Variants in DOCK10 observed in about 807,000 individuals in gnomAD.
DOCK10 encodes the protein dedicator of cytokinesis 10, also known as dedicator of cytokinesis protein 10.
DOCK10 carries 145 observed loss-of-function variants against 280.1 expected under a neutral mutation model. The observed-to-expected ratio is 0.52, with a 90% CI of 0.45 to 0.59. The LOEUF (loss-of-function observed/expected upper bound fraction) is 0.59, where lower values mean the gene tolerates loss of function less well. DOCK10 is among the 20% of genes least tolerant of loss of function. The pLI, the probability that DOCK10 is intolerant of heterozygous loss-of-function variation, is 0.00. For synonymous variants in DOCK10, 915 were observed against 942.2 expected (o/e 0.97, Z 0.53); for missense variants, 2,368 against 2,651.7 (o/e 0.89, Z 2.35).
At chr2:224,951,554 C>T (rs1231352591) in intron 1 of DOCK10, among the ~76,000 whole-genome samples, 4 of 152,258 alleles carry the variant, frequency 2.6e-5, no homozygotes, top group South Asian at 2.1e-4. Flanking sequence ...AATTTGAATG[C>T]TAAAATGTCA....
In DOCK10 at chr2:224,853,029, G is replaced by A. The variant is rs769183605; in HGVS notation, c.1982C>T (p.Ser661Leu). The A allele has an allele frequency of 1.9e-6, 3 of 1,611,800 alleles. No individual in the cohort carries two copies. The Admixed American group carries it at 5.0e-5, about 27-fold the overall frequency. ...TCTGTAAGGCCGACAATACTTTGTTGAATCGTAAACAAATTCTTCCACCTC... is the reference window on the plus strand; with the variant it reads ...TCTGTAAGGCCGACAATACTTTGTTAAATCGTAAACAAATTCTTCCACCTC... ...TVEVEEFVYD[S>L]TKYCRPYRVY... The change falls in exon 17 of 56, where the codon TCA becomes TTA. Residue 661 changes from serine to leucine, a missense_variant. By Grantham distance (145) the Ser-to-Leu change is moderately radical. This residue lies in a region of DOCK10 where 1,209 missense variants were observed against 1,250.9 expected (regional missense o/e 0.97). Coordinates refer to ENST00000258390, the MANE Select transcript of DOCK10 (RefSeq NM_014689.3).
intron 45 of DOCK10, 81 bp downstream of exon 45, chr2:224,794,798 G>C: frequency 1.5e-6 from 2 of 1,355,582 alleles, no homozygotes; most frequent in South Asian, 1.2e-5. Context: ...TCCTTTTCTA[G>C]TCCATGCTGT....
chr2:224,888,740 GTGTA>G (rs764439214), intron 4 of DOCK10, among the ~76,000 whole-genome samples: 181 of 147,988 alleles, frequency 1.2e-3, no homozygotes, highest in Non-Finnish European at 1.6e-3. Flanking sequence ...GAATATATGT[GTGTA>G]TGTGTGTGTG....
intron 26 of DOCK10, among the ~76,000 whole-genome samples, chr2:224,832,769 C>T (rs1695318649): frequency 6.6e-6 from 1 of 152,276 alleles, no homozygotes; most frequent in Middle Eastern, 3.4e-3. Context: ...ATTCAACAGA[C>T]TCCTACCCCT....
intron 50 of DOCK10, chr2:224,784,722 T>G: frequency 7.8e-7 from 1 of 1,289,358 alleles, no homozygotes; most frequent in Non-Finnish European, 1.0e-6. Context: ...AGAGCGAGAG[T>G]GAGTGAGAAC....
At chr2:224,782,726 G>A (rs1229324023) in intron 50 of DOCK10, among the ~76,000 whole-genome samples, 1 of 152,200 alleles carries the variant, frequency 6.6e-6, no homozygotes, top group East Asian at 1.9e-4. Flanking sequence ...AATGAGAGCA[G>A]TGGTCTGCGT....
intron 1 of DOCK10, among the ~76,000 whole-genome samples, chr2:224,955,357 T>G (rs1376372873): frequency 4.6e-5 from 7 of 152,220 alleles, no homozygotes; most frequent in African/African-American, 1.4e-4. Flanking sequence ...AGGATTTGTC[T>G]TTATAAATGG....
At chr2:224,835,815 C>A (rs1029418478) in intron 25 of DOCK10, among the ~76,000 whole-genome samples, 1 of 152,198 alleles carries the variant, frequency 6.6e-6, no homozygotes, top group African/African-American at 2.4e-5. Context: ...TTGTTATCAG[C>A]CTAAAATTCC....
At chr2:224,833,671 C>G (rs1039863259) in intron 26 of DOCK10, among the ~76,000 whole-genome samples, 2 of 151,974 alleles carry the variant, frequency 1.3e-5, no homozygotes, top group African/African-American at 4.8e-5. Context: ...CTCTCTCTCT[C>G]TCTCTGGTCT....
At chr2:224,877,248 T>C (rs1698684485) in intron 7 of DOCK10, among the ~76,000 whole-genome samples, 1 of 152,228 alleles carries the variant, frequency 6.6e-6, no homozygotes, top group South Asian at 2.1e-4. Context: ...CTTACCATGA[T>C]TTGAAATTAT....
chr2:224,773,496 T>C lies in DOCK10; in HGVS notation c.6014-149A>G, dbSNP rs1471911. The C allele has an allele frequency of 5.8e-3, 4,049 of 692,216 alleles. 125 individuals are homozygous for C. In the African/African-American group the frequency reaches 0.065, roughly 11 times the overall value. 42.9% of individuals were successfully genotyped at this position (692,216 alleles called of 1,614,324 possible). A position where few individuals can be genotyped will look rare whatever the true frequency, so the allele number is the denominator to read the frequency against. ...TTTCATGCATGGGAGTTACTTTTTC[T>C]GCTAGGTGCCATCCTCTCTAATACC... On this transcript the variant is annotated intron_variant, in intron 52 of 55. Transcript: ENST00000258390.
chr2:224,994,272 A>G (rs1706207087), intron 1 of DOCK10, among the ~76,000 whole-genome samples: 1 of 152,236 alleles, frequency 6.6e-6, no homozygotes, highest in Admixed American at 6.5e-5. Context: ...TGGATTTGAA[A>G]GTCAGTTCTG....
At chr2:224,876,457 C>T (rs1053481268) in intron 7 of DOCK10, among the ~76,000 whole-genome samples, 7 of 152,280 alleles carry the variant, frequency 4.6e-5, no homozygotes, top group East Asian at 1.9e-4. Context: ...TGGATGGACA[C>T]GTTAGCTTGA....
At chr2:225,005,011 CA>C (rs1706530251) in intron 1 of DOCK10, among the ~76,000 whole-genome samples, 1 of 152,194 alleles carries the variant, frequency 6.6e-6, no homozygotes, top group African/African-American at 2.4e-5. Context: ...AGCCTAAAAT[CA>C]ATCAACCCCT....
chr2:224,788,723 C>T (rs753522093), intron 48 of DOCK10, among the ~76,000 whole-genome samples: 3 of 152,150 alleles, frequency 2.0e-5, no homozygotes, highest in Non-Finnish European at 4.4e-5. Flanking sequence ...CGTCCACCTG[C>T]ATTTGTAAAT....
chr2:224,812,002 G>GT (rs1693817313), intron 31 of DOCK10, among the ~76,000 whole-genome samples: 1 of 152,118 alleles, frequency 6.6e-6, no homozygotes, highest in Admixed American at 6.6e-5. Context: ...CTTTAAAGTA[G>GT]TTTTTTCCAA....
At chr2:224,977,598 T>C (rs1705511180) in intron 1 of DOCK10, among the ~76,000 whole-genome samples, 1 of 152,242 alleles carries the variant, frequency 6.6e-6, no homozygotes, top group South Asian at 2.1e-4. Context: ...TGAAAGTTTC[T>C]GTTAATTCTC....
intron 7 of DOCK10, among the ~76,000 whole-genome samples, chr2:224,881,947 T>C (rs1699002772): frequency 6.6e-6 from 1 of 152,222 alleles, no homozygotes; most frequent in African/African-American, 2.4e-5. Context: ...AGGGGGCTGC[T>C]TGACCTACAG....
intron 41 of DOCK10, among the ~76,000 whole-genome samples, chr2:224,798,210 G>A (rs1255068077): frequency 6.6e-6 from 1 of 152,148 alleles, no homozygotes; most frequent in African/African-American, 2.4e-5. Flanking sequence ...TTGGGGGTAG[G>A]ATTACTTCCA....
Sources: gnomAD v4.1 joint callset for allele counts (sites outside exome capture counted in the v4.1 genomes callset) on GRCh38, gnomAD v4.1.1 for gene constraint, gnomAD v4.1.1 regional missense constraint, MANE v1.5 for transcripts, NCBI Gene and HGNC (gene_info 2026-07-23, HGNC 2026-07-21) for gene names.